The following PTPN7 variants were observed in gnomAD, a reference collection of about 807,000 sequenced individuals.
PTPN7 encodes protein tyrosine phosphatase non-receptor type 7.
In PTPN7, 33 loss-of-function variants were observed where a neutral mutation model predicts 50.3. The observed-to-expected ratio is 0.66, with a 90% CI of 0.50 to 0.88. The LOEUF (loss-of-function observed/expected upper bound fraction) is 0.88. PTPN7 is among the 40% of genes least tolerant of loss of function. PTPN7 has a pLI of 0.00. For missense variants in PTPN7, 412 were observed against 475.4 expected (o/e 0.87, Z 1.24); for synonymous variants, 185 against 186.6 (o/e 0.99, Z 0.07).
rs753031912 is a variant in PTPN7, at chr1:202,152,678, C to T, written c.739G>A (p.Val247Ile). The T allele has an allele frequency of 1.2e-6, 2 of 1,614,008 alleles. No homozygotes were observed. Among genetic ancestry groups the T allele is most frequent in the African/African-American group, 2.7e-5 (2 of 74,926 alleles). Residue 247 changes from valine to isoleucine, a missense_variant, in exon 8 of 10, where the codon GTA becomes ATA. Coordinates refer to ENST00000691036, the MANE Select transcript of PTPN7 (RefSeq NM_002832.4). Reference sequence around the variant, plus strand: ...CAGGCCGAAAAGAGGATGTGCTTTACTGACCGGCGCTCTTCCTGGTACTGG... The same window carrying T: ...CAGGCCGAAAAGAGGATGTGCTTTATTGACCGGCGCTCTTCCTGGTACTGG... ...TIQYQEERRS[V>I]KHILFSAWPD...
At position 202,148,610 on chromosome 1, in the gene PTPN7, G is replaced by T. The variant is rs769206418; in HGVS notation, c.1079C>A (p.Pro360His). Reference sequence around the variant, plus strand: ...GCCACCGGAGGGTGGCAGGGGTCAGGGGCTGGGTTCCTCAGGCAGCTGGCC... The same window carrying T: ...GCCACCGGAGGGTGGCAGGGGTCAGTGGCTGGGTTCCTCAGGCAGCTGGCC... ...YAGQLPEEPS[P>H] The change falls in exon 10 of 10, where the codon CCC (proline) becomes CAC (histidine). Residue 360 changes from proline (P) to histidine (H), a missense_variant. Coordinates refer to ENST00000691036, the MANE Select transcript of PTPN7 (RefSeq NM_002832.4). 4 of 1,613,870 alleles carry T rather than the reference G, an allele frequency of 2.5e-6. No homozygotes were observed. The highest frequency in any genetic ancestry group is 3.4e-6 in the Non-Finnish European group (4 of 1,179,874).
chr1:202,157,367 C>T (rs943707593), intron 4 of PTPN7, among the ~76,000 whole-genome samples: 6 of 152,062 alleles, frequency 3.9e-5, no homozygotes, highest in African/African-American at 9.7e-5. Flanking sequence ...AAATTAGCCA[C>T]GCATGGAGGC....
intron 7 of PTPN7, among the ~76,000 whole-genome samples, chr1:202,152,951 T>C (rs1006979912): frequency 6.6e-6 from 1 of 152,330 alleles, no homozygotes; most frequent in Non-Finnish European, 1.5e-5. Flanking sequence ...CATAAGCACA[T>C]GACTTTGGGC....
chr1:202,155,252 T>G lies in PTPN7; in HGVS notation c.468+281A>C, dbSNP rs547643969. Among the ~76,000 whole-genome samples, 5 of 152,302 alleles carry G rather than the reference T, an allele frequency of 3.3e-5. No homozygotes were observed. The South Asian group carries it at 1.0e-3, about 32-fold the overall frequency. ...GGAGATTGGGTTCAACAATGCTAAC[T>G]TCCTGCTAAGTTTAGAGGGTGGCAT... On this transcript the variant is annotated intron_variant, in intron 5 of 9. Transcript: ENST00000691036.
chr1:202,155,489 G>GA, intron 5 of PTPN7, 44 bp downstream of exon 5: 8 of 1,504,966 alleles, frequency 5.3e-6, no homozygotes, highest in African/African-American at 1.4e-5. Context: ...AGACGTCTGA[G>GA]AATTCCCCCA....
chr1:202,147,689 A>ATTG lies in PTPN7; in HGVS notation c.*914_*916dup, dbSNP rs1655476241. ...GTCTGCATGGATGGTTATGACCCTG[A>ATTG]TTGTTTTTGGAAACAGCCAAGCTCT... On this transcript the variant is annotated 3_prime_UTR_variant, in exon 10 of 10. Coordinates refer to ENST00000691036, the MANE Select transcript of PTPN7 (RefSeq NM_002832.4). 1 of 152,264 alleles carries ATTG rather than the reference A, an allele frequency of 6.6e-6. No homozygotes were observed. Among genetic ancestry groups the ATTG allele is most frequent in the African/African-American group, 2.4e-5 (1 of 41,534 alleles). 9.4% of individuals were successfully genotyped at this position (152,264 alleles called of 1,614,324 possible). A position where few individuals can be genotyped will look rare whatever the true frequency, so the allele number is the denominator to read the frequency against.
upstream of PTPN7, chr1:202,161,204 AG>A: frequency 7.2e-6 from 8 of 1,113,724 alleles, no homozygotes; most frequent in Non-Finnish European, 7.8e-6. Context: ...CAGGCCAAAA[AG>A]GTCGTCTCCA....
chr1:202,159,326 G>A lies in PTPN7; in HGVS notation c.77C>T (p.Pro26Leu), dbSNP rs11538832. ...LSLGAAMTQP[P>L]PEKTPAKKHV... Reference sequence around the variant, plus strand: ...CTTCTTGGCTGGCGTTTTTTCAGGCGGAGGCTGGGTCATGGCTGCCCCCAA... The same window carrying A: ...CTTCTTGGCTGGCGTTTTTTCAGGCAGAGGCTGGGTCATGGCTGCCCCCAA... The change falls in exon 2 of 10, where the codon CCG becomes CTG. Residue 26 changes from proline (P) to leucine (L), a missense_variant. Physicochemically the swap from Pro to Leu is moderately conservative, Grantham distance 98. Transcript: ENST00000691036. The surrounding 1 kb of genome is among the most constrained non-coding windows in gnomAD (Gnocchi z 4.6). 6.1e-5 allele frequency: 98 copies of A among 1,614,168 alleles called. No individual in the cohort carries two copies. The East Asian group carries it at 1.9e-3, about 31-fold the overall frequency.
At chr1:202,148,731 A>G (rs776997582) in intron 9 of PTPN7, 32 bp from the exon 10 acceptor site, 1 of 1,595,958 alleles carries the variant, frequency 6.3e-7, no homozygotes. Flanking sequence ...CCATGAGTGA[A>G]GGAGGGTCAG....
Position 202,150,418 on chromosome 1 carries a change from C to T in PTPN7, c.882G>A (p.Gly294=), listed in dbSNP as rs4950772. ...CGATGAAGCAGCCCGTCCGGCCAAT[C>T]CCTGCACTGGAGATAGCCAGGGAGG... ...PGPIVVHCSA[G]IGRTGCFIAT... The change falls in exon 9 of 10, where the codon GGG becomes GGA. Residue 294 remains glycine (G), a synonymous_variant. Transcript: ENST00000691036. 25 of 1,607,038 alleles carry T rather than the reference C, an allele frequency of 1.6e-5. No homozygotes were observed. Among genetic ancestry groups the T allele is most frequent in the Non-Finnish European group, 2.1e-5 (25 of 1,176,560 alleles).
intron 3 of PTPN7, 144 bp downstream of exon 3, chr1:202,157,974 G>T: frequency 8.0e-7 from 1 of 1,254,840 alleles, no homozygotes; most frequent in Non-Finnish European, 1.1e-6. Flanking sequence ...AAGCCTGGGG[G>T]CAGCCCCTCC....
chr1:202,148,358 G>A lies in PTPN7; in HGVS notation c.*248C>T, dbSNP rs112982585. ...CTGTCTTTAAGTTCAGAGAGACATT[G>A]GAGGTTCCCCTTACTGTCCATCTGG... On this transcript the variant is annotated 3_prime_UTR_variant, in exon 10 of 10. Transcript: ENST00000691036. 2 of 428,224 alleles carry A rather than the reference G, an allele frequency of 4.7e-6. No individual in the cohort carries two copies. The highest frequency in any genetic ancestry group is 8.4e-6 in the Non-Finnish European group (2 of 238,794). The allele number at this position is 428,224 out of a possible 1,614,324, so 26.5% of individuals were successfully genotyped here. A position where few individuals can be genotyped will look rare whatever the true frequency, so the allele number is the denominator to read the frequency against.
chr1:202,152,462 A>G (rs1656119684), intron 8 of PTPN7, 80 bp downstream of exon 8: 2 of 1,498,878 alleles, frequency 1.3e-6, no homozygotes, highest in Non-Finnish European at 1.8e-6. Flanking sequence ...TTTTCTGCTC[A>G]GACCCTTCCC....
rs1412518189 is a variant in PTPN7, at chr1:202,154,183, T to C, written c.606+3A>G. ...CATCATGAACTGTGGCTCTGCCTCC[T>C]ACCTCCTTGCCCTCTCGGAGCTGAG... On this transcript the variant is annotated splice_donor_region_variant and intron_variant, in intron 6 of 9. Coordinates refer to ENST00000691036, the MANE Select transcript of PTPN7 (RefSeq NM_002832.4). The C allele has an allele frequency of 5.0e-6, 8 of 1,613,916 alleles. No homozygotes were observed. Among genetic ancestry groups the C allele is most frequent in the African/African-American group, 4.0e-5 (3 of 74,902 alleles).
chr1:202,158,041 CCCGT>C, intron 3 of PTPN7, 73 bp downstream of exon 3: 10 of 1,468,398 alleles, frequency 6.8e-6, no homozygotes, highest in Non-Finnish European at 9.2e-6. Flanking sequence ...GCCCAGGGTG[CCCGT>C]GAGAGAATGG....
chr1:202,152,637 T>G lies in PTPN7; in HGVS notation c.780A>C (p.Thr260=). The G allele has an allele frequency of 2.5e-6, 4 of 1,614,074 alleles. No homozygotes were observed. The highest frequency in any genetic ancestry group is 3.4e-6 in the Non-Finnish European group (4 of 1,180,012). ...ILFSAWPDHQ[T]PESAGPLLRL... is the part of the protein sequence containing the mutation. ...GCAGCAGGGGCCCAGCTGATTCTGGTGTCTGATGGTCTGGCCAGGCCGAAA... is the reference window on the plus strand; with the variant it reads ...GCAGCAGGGGCCCAGCTGATTCTGGGGTCTGATGGTCTGGCCAGGCCGAAA... The change falls in exon 8 of 10, where the codon ACA becomes ACC. Residue 260 remains threonine (T), a synonymous_variant. Transcript: ENST00000691036.
At chr1:202,149,091 G>C (rs149806245) in intron 9 of PTPN7, among the ~76,000 whole-genome samples, 1 of 152,204 alleles carries the variant, frequency 6.6e-6, no homozygotes, top group Non-Finnish European at 1.5e-5. Flanking sequence ...CTGACCTCAA[G>C]TGATTGGCCC....
intron 9 of PTPN7, 148 bp from the exon 10 acceptor site, chr1:202,148,847 CTTTTTTTTTT>C (rs10652170): frequency 2.2e-5 from 3 of 137,518 alleles, no homozygotes; most frequent in Non-Finnish European, 3.7e-5. Flanking sequence ...CATCTTTTCA[CTTTTTTTTTT>C]TTTTTTTTTT....
upstream of PTPN7, chr1:202,161,132 G>C: frequency 8.1e-7 from 1 of 1,229,544 alleles, no homozygotes. Flanking sequence ...GCACAGACTC[G>C]GGGTGGGGAA....
Sources: gnomAD v4.1 joint callset for allele counts (sites outside exome capture counted in the v4.1 genomes callset) on GRCh38, gnomAD v4.1.1 for gene constraint, Gnocchi (gnomAD v3.1) non-coding constraint, MANE v1.5 for transcripts, NCBI Gene and HGNC (gene_info 2026-07-23, HGNC 2026-07-21) for gene names.